Variants in BNC2 observed in about 807,000 individuals in gnomAD.
BNC2 encodes the protein basonuclin zinc finger protein 2, also known as zinc finger protein basonuclin-2.
In BNC2, 20 loss-of-function variants were observed where a neutral mutation model predicts 76.3. The ratio of observed to expected loss-of-function variants is 0.26; its 90% CI spans 0.18 to 0.38. The LOEUF (loss-of-function observed/expected upper bound fraction) is 0.38. BNC2 is among the 10% of genes least tolerant of loss of function. The probability of loss-of-function intolerance (pLI) is 1.00; values close to 1 mark genes in which losing one functional copy is unlikely to be tolerated. For synonymous variants in BNC2, 582 were observed against 514.8 expected (o/e 1.13, Z -1.77); for missense variants, 1,382 against 1,399.8 (o/e 0.99, Z 0.20).
At chr9:16,655,977 G>A (rs1821917267) in intron 3 of BNC2, among the ~76,000 whole-genome samples, 1 of 152,184 alleles carries the variant, frequency 6.6e-6, no homozygotes, top group Non-Finnish European at 1.5e-5. Flanking sequence ...AAGTACTTCA[G>A]AAGAGGCACA....
intron 1 of BNC2, among the ~76,000 whole-genome samples, chr9:16,755,109 T>G (rs554191375): frequency 6.6e-6 from 1 of 152,146 alleles, no homozygotes; most frequent in African/African-American, 2.4e-5. Context: ...AGAAAAAGGA[T>G]ACCTGACTCT....
chr9:16,531,627 G>A (rs774452885), intron 5 of BNC2, among the ~76,000 whole-genome samples: 12 of 151,912 alleles, frequency 7.9e-5, no homozygotes, highest in Non-Finnish European at 1.3e-4. Context: ...TAAAACATAT[G>A]GTGCAAACTC....
chr9:16,864,405 A>G (rs561669255), intron 1 of BNC2, among the ~76,000 whole-genome samples: 1 of 152,348 alleles, frequency 6.6e-6, no homozygotes, highest in African/African-American at 2.4e-5. Context: ...AAGATTTGAA[A>G]AAAGAAAATA....
intron 5 of BNC2, among the ~76,000 whole-genome samples, chr9:16,509,153 C>T (rs1822698018): frequency 6.6e-6 from 1 of 152,114 alleles, no homozygotes; most frequent in South Asian, 2.1e-4. Context: ...AAACTCACCC[C>T]AAATGTCCAC....
rs552401023 is a variant in BNC2, at chr9:16,758,028, C to T, written c.4-19543G>A. Among the ~76,000 whole-genome samples, 8 of 152,176 alleles carry T rather than the reference C, an allele frequency of 5.3e-5. No homozygotes were observed. The South Asian group carries it at 1.7e-3, about 32-fold the overall frequency. On this transcript the variant is annotated intron_variant, in intron 1 of 6. Transcript: ENST00000380672. ...TTGGTCAGAAGCCTGACAGGTCTCA[C>T]TGGGCTAAAGTCAAGATATCAGCAG...
chr9:16,642,419 G>A (rs758177779), intron 3 of BNC2, among the ~76,000 whole-genome samples: 1 of 152,116 alleles, frequency 6.6e-6, no homozygotes, highest in Admixed American at 6.6e-5. Context: ...TTGAAAGGTA[G>A]AGTACATATT....
intron 3 of BNC2, among the ~76,000 whole-genome samples, chr9:16,627,199 C>G (rs762063140): frequency 5.4e-4 from 82 of 152,116 alleles, no homozygotes; most frequent in Non-Finnish European, 8.8e-4. Context: ...TAGAAGGGAA[C>G]AGTTGAAAAA....
chr9:16,597,898 G>C (rs948262436), intron 3 of BNC2, among the ~76,000 whole-genome samples: 2 of 151,994 alleles, frequency 1.3e-5, no homozygotes, highest in South Asian at 2.1e-4. Context: ...CAGTTTTGAA[G>C]AGTTAAATCC....
At chr9:16,850,359 T>C (rs1819100661) in intron 1 of BNC2, among the ~76,000 whole-genome samples, 1 of 152,194 alleles carries the variant, frequency 6.6e-6, no homozygotes, top group Non-Finnish European at 1.5e-5. Context: ...CAAAATATGA[T>C]ACCAATTCTT....
intron 1 of BNC2, among the ~76,000 whole-genome samples, chr9:16,858,904 TCAG>T (rs1819328893): frequency 6.6e-6 from 1 of 151,052 alleles, no homozygotes; most frequent in Non-Finnish European, 1.5e-5. Context: ...AAGGAAACAA[TCAG>T]CAGAGTGAAG....
intron 1 of BNC2, among the ~76,000 whole-genome samples, chr9:16,847,035 A>G (rs927181957): frequency 6.6e-6 from 1 of 152,230 alleles, no homozygotes; most frequent in Non-Finnish European, 1.5e-5. Flanking sequence ...TAAAATAGTA[A>G]TATCTGTTCA....
At chr9:16,777,163 G>GTAAA (rs887355399) in intron 1 of BNC2, among the ~76,000 whole-genome samples, 2 of 151,578 alleles carry the variant, frequency 1.3e-5, no homozygotes, top group African/African-American at 4.8e-5. Context: ...AAAAATAAAA[G>GTAAA]TAAATAAATA....
At chr9:16,787,768 C>G (rs1016997976) in intron 1 of BNC2, among the ~76,000 whole-genome samples, 1 of 152,120 alleles carries the variant, frequency 6.6e-6, no homozygotes. Flanking sequence ...CCGGGCTGGT[C>G]TTGAACTTCT....
intron 1 of BNC2, among the ~76,000 whole-genome samples, chr9:16,821,913 G>A (rs1400046986): frequency 2.6e-5 from 4 of 152,090 alleles, no homozygotes; most frequent in Admixed American, 1.3e-4. Flanking sequence ...CTAACACGGT[G>A]AAACCCTGTC....
intron 1 of BNC2, among the ~76,000 whole-genome samples, chr9:16,829,443 G>T (rs1818530359): frequency 6.6e-6 from 1 of 152,068 alleles, no homozygotes; most frequent in Non-Finnish European, 1.5e-5. Context: ...TTTTTTGATG[G>T]TGGTGGTGTT....
intron 2 of BNC2, among the ~76,000 whole-genome samples, chr9:16,735,673 T>A (rs1409745253): frequency 2.6e-5 from 4 of 151,708 alleles, no homozygotes; most frequent in Non-Finnish European, 4.4e-5. Flanking sequence ...ATTTTTGTAT[T>A]TTTTGGTAGA....
chr9:16,618,600 G>GCCTT (rs1820777332), intron 3 of BNC2, among the ~76,000 whole-genome samples: 5 of 152,140 alleles, frequency 3.3e-5, no homozygotes, highest in Non-Finnish European at 5.9e-5. Context: ...TAGGATAAAA[G>GCCTT]AATCTACAAG....
chr9:16,423,104 A>G (rs1175863391), intron 6 of BNC2, among the ~76,000 whole-genome samples: 1 of 152,230 alleles, frequency 6.6e-6, no homozygotes. Flanking sequence ...AGCCCTACTC[A>G]GTTGTATGTA....
intron 5 of BNC2, among the ~76,000 whole-genome samples, chr9:16,495,157 G>A (rs1381613117): frequency 6.6e-6 from 1 of 152,036 alleles, no homozygotes; most frequent in Non-Finnish European, 1.5e-5. Flanking sequence ...TGAATAAGGT[G>A]GTGATAAATC....
Sources: allele counts gnomAD v4.1 joint callset (sites outside exome capture counted in the v4.1 genomes callset), GRCh38; gene constraint gnomAD v4.1.1; transcripts MANE v1.5; gene names NCBI Gene and HGNC (gene_info 2026-07-23, HGNC 2026-07-21).